Variants in RPS6KA2 observed in about 807,000 individuals in gnomAD.
The protein encoded by RPS6KA2 is ribosomal protein S6 kinase alpha-2.
A neutral mutation model predicts 91.8 loss-of-function variants in RPS6KA2; 42 were observed. That is an observed-to-expected ratio of 0.46 (90% CI 0.36 to 0.59). The LOEUF (loss-of-function observed/expected upper bound fraction) is 0.59. Among genes scored for constraint, RPS6KA2 ranks in the 20% least tolerant of loss-of-function variants. The pLI is 0.00. For synonymous variants in RPS6KA2, 414 were observed against 393.6 expected, an observed-to-expected ratio of 1.05 and a Z score of -0.61; for missense variants, 798 against 978.5, an observed-to-expected ratio of 0.82 and a Z score of 2.46.
intron 19 of RPS6KA2, among the ~76,000 whole-genome samples, chr6:166,415,961 A>T (rs1292720727): frequency 7.6e-6 from 1 of 130,730 alleles, no homozygotes; most frequent in Non-Finnish European, 1.6e-5. Context: ...CACCTTCACC[A>T]TCATCTTCAC....
intron 19 of RPS6KA2, among the ~76,000 whole-genome samples, chr6:166,417,765 TA>T (rs1448486578): frequency 1.3e-5 from 2 of 152,086 alleles, no homozygotes; most frequent in African/African-American, 4.8e-5. Context: ...ATGAAAGGCT[TA>T]AAAGATGCCG....
chr6:166,554,594 G>A lies in RPS6KA2; in HGVS notation c.100-15810C>T, dbSNP rs1031922315. Among the ~76,000 whole-genome samples the A allele has an allele frequency of 6.6e-6, 1 of 152,242 alleles. No individual in the cohort carries two copies. Among genetic ancestry groups the A allele is most frequent in the African/African-American group, 2.4e-5 (1 of 41,468 alleles). On this transcript the variant is annotated intron_variant, in intron 1 of 20. Coordinates refer to ENST00000265678, the MANE Select transcript of RPS6KA2 (RefSeq NM_021135.6). This position sits in a 1 kb window ranked among gnomAD's most constrained non-coding sequence, Gnocchi z 4.3. ...GTCTGATGCGATGTGAGAACTCGCG[G>A]CTGGCACGCGGGTGGCCATGGGGGG...
At chr6:166,545,811 T>C (rs771634420) in intron 1 of RPS6KA2, among the ~76,000 whole-genome samples, 13 of 152,170 alleles carry the variant, frequency 8.5e-5, no homozygotes, top group Non-Finnish European at 1.8e-4. Context: ...TCAAGGCAAA[T>C]TGGACTCTGA....
intron 2 of RPS6KA2, among the ~76,000 whole-genome samples, chr6:166,699,078 G>T (rs542889795): frequency 6.6e-6 from 1 of 152,292 alleles, no homozygotes; most frequent in East Asian, 1.9e-4. Context: ...CCCTATGAGT[G>T]CACCGTAGTA....
At chr6:166,447,542 C>T (rs990893224) in intron 14 of RPS6KA2, among the ~76,000 whole-genome samples, 18 of 152,262 alleles carry the variant, frequency 1.2e-4, no homozygotes, top group African/African-American at 3.6e-4. Context: ...GCAAGAAACA[C>T]GGTAGACGTT....
chr6:166,804,305 T>C (rs1779439089), intron 2 of RPS6KA2, among the ~76,000 whole-genome samples: 1 of 152,144 alleles, frequency 6.6e-6, no homozygotes, highest in African/African-American at 2.4e-5. Context: ...TATATATTTA[T>C]CTGTATATGT....
In RPS6KA2 at chr6:166,665,403, C is replaced by A. The variant is rs1788285618; in HGVS notation, c.124-126619G>T. 6.6e-6 allele frequency among the ~76,000 whole-genome samples: 1 copy of A among 152,120 alleles called. No individual in the cohort carries two copies. The highest frequency in any genetic ancestry group is 2.1e-4 in the South Asian group (1 of 4,832). On this transcript the variant is annotated intron_variant, in intron 2 of 21. Coordinates refer to the RPS6KA2 transcript ENST00000503859. This position sits in a 1 kb window ranked among gnomAD's most constrained non-coding sequence, Gnocchi z 4.5. Reference sequence around the variant, plus strand: ...TGCCTATACCCAATGTCACCCAAACCCAAAGAAGGGTTTGCAGCAGCAGCT... The same window carrying A: ...TGCCTATACCCAATGTCACCCAAACACAAAGAAGGGTTTGCAGCAGCAGCT...
Position 166,419,453 on chromosome 6 carries a change from C to T in RPS6KA2, c.1820+429G>A, listed in dbSNP as rs1165045819. Among the ~76,000 whole-genome samples, 1 of 152,200 alleles carries T rather than the reference C, an allele frequency of 6.6e-6. No homozygotes were observed. ...CTTTCTGTAACACCACGTGTCTTAC[C>T]ACAATGAACCGGCCCGTGCATGACT... On this transcript the variant is annotated intron_variant, in intron 18 of 20. Transcript: ENST00000265678. This position sits in a 1 kb window ranked among gnomAD's most constrained non-coding sequence, Gnocchi z 5.6.
At chr6:166,571,203 C>CG (rs1489175493) in intron 1 of RPS6KA2, among the ~76,000 whole-genome samples, 2 of 152,144 alleles carry the variant, frequency 1.3e-5, no homozygotes, top group Non-Finnish European at 1.5e-5. Context: ...TAAGGGATAC[C>CG]GGGGAAACTG....
chr6:166,558,699 A>C lies in RPS6KA2; in HGVS notation c.100-19915T>G, dbSNP rs148046542. On this transcript the variant is annotated intron_variant, in intron 1 of 20. Coordinates refer to ENST00000265678, the MANE Select transcript of RPS6KA2 (RefSeq NM_021135.6). ...GGTGGCCCCATGCTGTTAACGGAAAAGGTTTTCCAGGAAAGTGGCAAACCG... is the reference window on the plus strand; with the variant it reads ...GGTGGCCCCATGCTGTTAACGGAAACGGTTTTCCAGGAAAGTGGCAAACCG... Among the ~76,000 whole-genome samples, 4 of 152,278 alleles carry C rather than the reference A, an allele frequency of 2.6e-5. No homozygotes were observed. The East Asian group carries it at 7.7e-4, about 29-fold the overall frequency.
intron 2 of RPS6KA2, among the ~76,000 whole-genome samples, chr6:166,654,594 A>C (rs1225874755): frequency 1.3e-5 from 2 of 152,212 alleles, no homozygotes; most frequent in Non-Finnish European, 2.9e-5. Context: ...ATTCCATCAC[A>C]AAGTTTTTCA....
At chr6:166,683,866 G>A (rs920915778) in intron 2 of RPS6KA2, among the ~76,000 whole-genome samples, 1 of 152,218 alleles carries the variant, frequency 6.6e-6, no homozygotes, top group Admixed American at 6.5e-5. Context: ...TGGGGTGTTC[G>A]GCAGCTGTGG....
chr6:166,754,566 C>T (rs190274561), intron 2 of RPS6KA2, among the ~76,000 whole-genome samples: 4 of 151,994 alleles, frequency 2.6e-5, no homozygotes, highest in African/African-American at 4.8e-5. Context: ...TGGCCCAGAG[C>T]GTGAGAGTCC....
intron 1 of RPS6KA2, among the ~76,000 whole-genome samples, chr6:166,624,714 T>C (rs567800724): frequency 6.6e-6 from 1 of 152,308 alleles, no homozygotes; most frequent in East Asian, 1.9e-4. Context: ...TCTCAAACTC[T>C]CAGGGTTTCT....
intron 2 of RPS6KA2, among the ~76,000 whole-genome samples, chr6:166,532,340 T>C (rs926982747): frequency 1.3e-5 from 2 of 152,168 alleles, no homozygotes; most frequent in African/African-American, 4.8e-5. Flanking sequence ...GGGCAACGTC[T>C]AGACACTTAC....
At chr6:166,750,240 C>T (rs919077709) in intron 2 of RPS6KA2, among the ~76,000 whole-genome samples, 6 of 152,186 alleles carry the variant, frequency 3.9e-5, no homozygotes, top group South Asian at 4.1e-4. Flanking sequence ...AGACATCGGG[C>T]GTGCTCCCCT....
intron 2 of RPS6KA2, among the ~76,000 whole-genome samples, chr6:166,710,313 C>T (rs1201186177): frequency 9.2e-5 from 14 of 152,196 alleles, no homozygotes; most frequent in Admixed American, 9.2e-4. Flanking sequence ...TTATATTGGA[C>T]AGATCATCCT....
chr6:166,730,723 G>GA, intron 2 of RPS6KA2, among the ~76,000 whole-genome samples: 1 of 152,166 alleles, frequency 6.6e-6, no homozygotes, highest in South Asian at 2.1e-4. Context: ...TACAAAAAGA[G>GA]AAAAAAATAG....
rs1216610995 is a variant in RPS6KA2, at chr6:166,662,169, T to C, written c.124-123385A>G. 6.6e-6 allele frequency among the ~76,000 whole-genome samples: 1 copy of C among 152,242 alleles called. No homozygotes were observed. Among genetic ancestry groups the C allele is most frequent in the Non-Finnish European group, 1.5e-5 (1 of 68,038 alleles). ...AAATCAGAAACTGTCTAAAATGTTA[T>C]CAAATTATTCTTTTTAATCTTTGAA... On this transcript the variant is annotated intron_variant, in intron 2 of 21. Coordinates refer to the RPS6KA2 transcript ENST00000503859. This position sits in a 1 kb window ranked among gnomAD's most constrained non-coding sequence, Gnocchi z 4.3.
Sources: allele counts gnomAD v4.1 joint callset (sites outside exome capture counted in the v4.1 genomes callset), GRCh38; gene constraint gnomAD v4.1.1; non-coding constraint Gnocchi (gnomAD v3.1); transcripts MANE v1.5; gene names NCBI Gene and HGNC (gene_info 2026-07-23, HGNC 2026-07-21).